DNAH6: variants seen among roughly 807,000 people sequenced by gnomAD.
The protein encoded by DNAH6 is dynein axonemal heavy chain 6.
DNAH6 carries 340 observed loss-of-function variants against 491.4 expected under a neutral mutation model. The ratio of observed to expected loss-of-function variants is 0.69; its 90% CI spans 0.63 to 0.76. DNAH6 has a LOEUF of 0.76. Among genes scored for constraint, DNAH6 ranks in the 30% least tolerant of loss-of-function variants. The pLI is 0.00. For missense variants in DNAH6, 4,443 were observed against 4,972.2 expected, an observed-to-expected ratio of 0.89 and a Z score of 3.20; for synonymous variants, 1,603 against 1,686.1, an observed-to-expected ratio of 0.95 and a Z score of 1.21.
chr2:84,667,772 A>G (rs1472911475), intron 37 of DNAH6, among the ~76,000 whole-genome samples: 2 of 152,354 alleles, frequency 1.3e-5, no homozygotes, highest in Middle Eastern at 3.4e-3. Context: ...CTCTACTGCT[A>G]TAAAGACACA....
chr2:84,745,367 C>G lies in DNAH6; in HGVS notation c.10512+118C>G, dbSNP rs55662731. ...CAATGGCCAAGTTTGGGAGATGACT[C>G]AAAAAAATGAAACATGGGCCGAGCG... is the stretch of plus-strand genomic sequence containing the variant. On this transcript the variant is annotated intron_variant, in intron 63 of 76. Transcript: ENST00000389394. The G allele has an allele frequency of 3.8e-6, 3 of 799,582 alleles. No homozygotes were observed. In the East Asian group the frequency reaches 9.3e-5, roughly 25 times the overall value. The allele number at this position is 799,582 out of a possible 1,614,324, so 49.5% of individuals were successfully genotyped here.
intron 29 of DNAH6, among the ~76,000 whole-genome samples, chr2:84,627,478 T>A (rs1687989660): frequency 6.6e-6 from 1 of 152,204 alleles, no homozygotes; most frequent in East Asian, 1.9e-4. Flanking sequence ...CCTCACTTCA[T>A]TGTATTCTAG....
chr2:84,547,377 C>A lies in DNAH6; in HGVS notation c.1040C>A (p.Ala347Asp). 1 of 1,551,732 alleles carries A rather than the reference C, an allele frequency of 6.4e-7. No individual in the cohort carries two copies. Among genetic ancestry groups the A allele is most frequent in the Non-Finnish European group, 8.7e-7 (1 of 1,146,950 alleles). The stretch of plus-strand genomic sequence containing the variant: ...ACCTACACCCTGCAGGAATTTAAGG[C>A]CGCACAAGTCATACGGCTAGCAGAG... The part of the protein sequence containing the change: ...CHTYTLQEFK[A>D]AQVIRLAEVT... The change falls in exon 6 of 77, where the codon GCC becomes GAC. Residue 347 changes from alanine (A) to aspartate (D), a missense_variant. Ala to Asp is a moderately radical substitution (Grantham distance 126). Around this residue, in one of 3 missense-constraint regions of DNAH6, gnomAD observed 2,977 missense variants for 3,296.6 expected, o/e 0.90. Transcript: ENST00000389394.
the DNAH6 span, among the ~76,000 whole-genome samples, chr2:84,485,795 T>C: frequency 1.4e-4 from 21 of 152,018 alleles, no homozygotes; most frequent in South Asian, 1.9e-3. Flanking sequence ...GATATTTCTT[T>C]GGGATCTTCC....
intron 37 of DNAH6, among the ~76,000 whole-genome samples, chr2:84,668,088 C>T (rs7598984): frequency 0.012 from 1,803 of 147,924 alleles, 39 homozygotes; most frequent in African/African-American, 0.042. Flanking sequence ...CACGGCCTGT[C>T]GTGGGGCGGG....
At chr2:84,799,709 C>T (rs1387027434) in intron 70 of DNAH6, among the ~76,000 whole-genome samples, 1 of 152,218 alleles carries the variant, frequency 6.6e-6, no homozygotes, top group African/African-American at 2.4e-5. Context: ...GTGCAAAGCA[C>T]CCCTAAGAAA....
intron 57 of DNAH6, among the ~76,000 whole-genome samples, chr2:84,713,981 T>G (rs145069973): frequency 6.6e-6 from 1 of 152,226 alleles, no homozygotes; most frequent in East Asian, 1.9e-4. Context: ...AGTACTACAG[T>G]GTCCAAGGTA....
chr2:84,729,760 GACT>G (rs537724699), intron 61 of DNAH6, among the ~76,000 whole-genome samples: 42 of 152,204 alleles, frequency 2.8e-4, no homozygotes, highest in Non-Finnish European at 4.1e-4. Flanking sequence ...AATGATTCTT[GACT>G]AATAATTTTT....
the DNAH6 span, among the ~76,000 whole-genome samples, chr2:84,507,695 C>T: frequency 1.3e-5 from 2 of 152,138 alleles, no homozygotes; most frequent in Non-Finnish European, 2.9e-5. Flanking sequence ...ATGATATTGG[C>T]TGTGGTTTTG....
At chr2:84,655,710 T>C (rs957428561) in intron 35 of DNAH6, among the ~76,000 whole-genome samples, 12 of 152,208 alleles carry the variant, frequency 7.9e-5, no homozygotes, top group African/African-American at 2.4e-4. Flanking sequence ...CAGTTTTAAG[T>C]TTATAGAAAA....
intron 4 of DNAH6, among the ~76,000 whole-genome samples, chr2:84,529,519 T>A (rs1250165287): frequency 6.7e-6 from 1 of 148,606 alleles, no homozygotes; most frequent in Admixed American, 6.9e-5. Flanking sequence ...GTTTTTCATG[T>A]TATTTCACCT....
At chr2:84,794,223 G>A (rs1287799191) in intron 68 of DNAH6, among the ~76,000 whole-genome samples, 14 of 151,896 alleles carry the variant, frequency 9.2e-5, no homozygotes, top group Admixed American at 2.6e-4. Flanking sequence ...CCATAAAAAC[G>A]CTAGAAGAAA....
intron 58 of DNAH6, 114 bp downstream of exon 58, chr2:84,715,741 ACCCTT>A: frequency 3.1e-6 from 3 of 966,308 alleles, no homozygotes; most frequent in Admixed American, 2.7e-5. Flanking sequence ...CTACACATGA[ACCCTT>A]AATCAAAAAA....
chr2:84,808,443 G>A lies in DNAH6; in HGVS notation c.11640G>A (p.Glu3880=). The A allele has an allele frequency of 6.5e-7, 1 of 1,545,236 alleles. No homozygotes were observed. Among genetic ancestry groups the A allele is most frequent in the African/African-American group, 1.4e-5 (1 of 72,718 alleles). The part of the protein sequence containing the change: ...PEKLEMEGAS[E]SLFVKDLQGR... ...AACTGGAAATGGAGGGTGCTTCTGA[G>A]AGCCTTTTTGTCAAGGATCTTCAAG... is the stretch of plus-strand genomic sequence containing the variant. The change falls in exon 72 of 77, where the codon GAG becomes GAA. Residue 3880 remains glutamate (E), a synonymous_variant. Coordinates refer to ENST00000389394, the MANE Select transcript of DNAH6 (RefSeq NM_001370.2).
In DNAH6 at chr2:84,579,690, T is replaced by C; in HGVS notation, c.2229+11T>C. 1.3e-6 allele frequency: 2 copies of C among 1,563,518 alleles called. No individual in the cohort carries two copies. The highest frequency in any genetic ancestry group is 2.3e-5 in the East Asian group (1 of 44,172). On this transcript the variant is annotated intron_variant, in intron 14 of 76. Coordinates refer to ENST00000389394, the MANE Select transcript of DNAH6 (RefSeq NM_001370.2). ...GAAATTCAGGAACGGGTGAGTTGAT[T>C]ATCTCATATAACTCAATATTCCAGA...
intron 64 of DNAH6, among the ~76,000 whole-genome samples, chr2:84,780,812 G>C (rs1239934635): frequency 6.6e-6 from 1 of 151,846 alleles, no homozygotes; most frequent in South Asian, 2.1e-4. Flanking sequence ...TCCTTTGAGG[G>C]CTTGACTGTG....
chr2:84,535,617 C>T (rs558902804), intron 4 of DNAH6, among the ~76,000 whole-genome samples: 1 of 150,572 alleles, frequency 6.6e-6, no homozygotes, highest in East Asian at 1.9e-4. Flanking sequence ...GAATGAATCA[C>T]TATTGTAGAA....
chr2:84,471,129 A>C, the DNAH6 span, among the ~76,000 whole-genome samples: 2 of 152,226 alleles, frequency 1.3e-5, no homozygotes, highest in Admixed American at 1.3e-4. Flanking sequence ...TCAGACATGC[A>C]AGCCCTGCCT....
chr2:84,628,795 T>A (rs34550346), intron 29 of DNAH6, among the ~76,000 whole-genome samples: 39,621 of 151,078 alleles, frequency 0.26, 6,018 homozygotes, highest in Non-Finnish European at 0.34. Context: ...TCTCCCATTT[T>A]AAAAAAAAAT....
Sources: gnomAD v4.1 joint callset for allele counts (sites outside exome capture counted in the v4.1 genomes callset) on GRCh38, gnomAD v4.1.1 for gene constraint, gnomAD v4.1.1 regional missense constraint, MANE v1.5 for transcripts, NCBI Gene and HGNC (gene_info 2026-07-23, HGNC 2026-07-21) for gene names.